CACNA1S: variants seen among roughly 807,000 people sequenced by gnomAD.
CACNA1S encodes calcium voltage-gated channel subunit alpha1 S, also known as voltage-dependent L-type calcium channel subunit alpha-1S.
CACNA1S carries 126 observed loss-of-function variants against 207.4 expected under a neutral mutation model. That is an observed-to-expected ratio of 0.61 (90% confidence interval 0.53 to 0.70). The LOEUF (loss-of-function observed/expected upper bound fraction) is 0.70. Ranked by LOEUF, CACNA1S falls within the 30% of genes least tolerant of loss-of-function variation. The pLI is 0.00. For synonymous variants in CACNA1S, 960 were observed against 932.7 expected, an observed-to-expected ratio of 1.03 and a Z score of -0.53; for missense variants, 2,349 against 2,422.8, an observed-to-expected ratio of 0.97 and a Z score of 0.64.
intron 22 of CACNA1S, among the ~76,000 whole-genome samples, chr1:201,063,733 C>T (rs1017714270): frequency 6.6e-6 from 1 of 152,178 alleles, no homozygotes; most frequent in Non-Finnish European, 1.5e-5. Flanking sequence ...CCCCCGCTGC[C>T]CCTGCCACAC....
rs1293218153 is a variant in CACNA1S at position 201,070,376 on chromosome 1, G to A, written c.2256C>T (p.Ile752=). The A allele has an allele frequency of 6.2e-7, 1 of 1,614,070 alleles. No individual in the cohort carries two copies. Among genetic ancestry groups the A allele is most frequent in the South Asian group, 1.1e-5 (1 of 91,072 alleles). Residue 752 remains isoleucine, a synonymous_variant, in exon 17 of 44, where the codon ATC becomes ATT. Transcript: ENST00000362061. ...GGGGACGTGGTCGGGGGCTCAGCGG[G>A]ATCTCAGGCTCATCTTCCTCGTCAT... ...PGDDEEDEPE[I]PLSPRPRPLA...
At chr1:201,074,473 C>A (rs1221710674) in intron 14 of CACNA1S, 33 bp downstream of exon 14, 2 of 1,403,472 alleles carry the variant, frequency 1.4e-6, no homozygotes, top group South Asian at 2.3e-5. Flanking sequence ...CGACTGAGCA[C>A]TCCAGGTCCC....
chr1:201,094,823 C>T, intron 2 of CACNA1S, among the ~76,000 whole-genome samples: 1 of 152,102 alleles, frequency 6.6e-6, no homozygotes, highest in East Asian at 1.9e-4. Flanking sequence ...CTGCAGAAGG[C>T]CCGGCCGACA....
rs1477340666 is a variant in CACNA1S at position 201,057,436 on chromosome 1, G to A, written c.3609+972C>T. Among the ~76,000 whole-genome samples the A allele has an allele frequency of 2.6e-5, 4 of 152,190 alleles. No homozygotes were observed. The East Asian group carries it at 7.7e-4, about 29-fold the overall frequency. On this transcript the variant is annotated intron_variant, in intron 28 of 43. Transcript: ENST00000362061. ...AGCCTCTAACTCCCTTTATGTTTCT[G>A]TATAATACTATGTACTTGTCATACC... is the stretch of plus-strand genomic sequence containing the variant.
intron 10 of CACNA1S, among the ~76,000 whole-genome samples, chr1:201,081,709 T>TG (rs11381909): frequency 0.064 from 9,715 of 152,234 alleles, 407 homozygotes; most frequent in East Asian, 0.19. Context: ...TGGGGCCTGG[T>TG]GGGGGGTGTT....
chr1:201,082,630 T>C (rs1000134288), intron 10 of CACNA1S, among the ~76,000 whole-genome samples: 22 of 152,306 alleles, frequency 1.4e-4, no homozygotes, highest in Middle Eastern at 3.4e-3. Context: ...TCTATTGACT[T>C]GGAATTATTT....
intron 36 of CACNA1S, among the ~76,000 whole-genome samples, chr1:201,047,986 C>T (rs1558054724): frequency 6.6e-6 from 1 of 152,246 alleles, no homozygotes; most frequent in African/African-American, 2.4e-5. Context: ...CCTGCTCCTT[C>T]CTGACTTCTG....
At chr1:201,092,587 C>T (rs557720126) in intron 3 of CACNA1S, among the ~76,000 whole-genome samples, 8 of 152,202 alleles carry the variant, frequency 5.3e-5, no homozygotes, top group Non-Finnish European at 1.2e-4. Context: ...TCTTAATTTA[C>T]TCAAATTTCC....
At chr1:201,040,785 C>A in intron 41 of CACNA1S, 72 bp from the exon 42 acceptor site, 2 of 1,218,626 alleles carry the variant, frequency 1.6e-6, no homozygotes, top group Non-Finnish European at 2.4e-6. Flanking sequence ...AACAGAGGCT[C>A]GCTTGGCTGG....
chr1:201,094,168 C>G (rs986068437), intron 2 of CACNA1S, 147 bp from the exon 3 acceptor site: 35 of 827,402 alleles, frequency 4.2e-5, no homozygotes, highest in Non-Finnish European at 6.6e-5. Context: ...TGCCTACCCC[C>G]CCACTCCACA....
intron 28 of CACNA1S, among the ~76,000 whole-genome samples, chr1:201,056,012 C>A (rs79599589): frequency 1.1e-4 from 17 of 151,540 alleles, no homozygotes; most frequent in Non-Finnish European, 1.9e-4. Flanking sequence ...TATTTCCCAG[C>A]AAAAACTGAG....
intron 13 of CACNA1S, among the ~76,000 whole-genome samples, chr1:201,074,988 G>T (rs1261566064): frequency 6.6e-6 from 1 of 152,164 alleles, no homozygotes; most frequent in Admixed American, 6.5e-5. Context: ...ATTCCAAGGT[G>T]CAGGCACCAG....
rs1572009497 is a variant in CACNA1S at position 201,039,589 on chromosome 1, C to A, written c.*242G>T. The stretch of plus-strand genomic sequence containing the variant: ...CTAGGCCAGACAGGCACTGACCAGG[C>A]CTTTTTGAATGACATTAGAAGCTCC... On this transcript the variant is annotated 3_prime_UTR_variant, in exon 44 of 44. Coordinates refer to ENST00000362061, the MANE Select transcript of CACNA1S (RefSeq NM_000069.3). 1.5e-5 allele frequency: 9 copies of A among 596,318 alleles called. No individual in the cohort carries two copies. In the South Asian group the frequency reaches 1.6e-4, roughly 10 times the overall value. 36.9% of individuals were successfully genotyped at this position (596,318 alleles called of 1,614,324 possible). A position where few individuals can be genotyped will look rare whatever the true frequency, so the allele number is the denominator to read the frequency against.
chr1:201,052,489 C>T (rs1254565705), intron 32 of CACNA1S, 68 bp downstream of exon 32: 3 of 1,249,796 alleles, frequency 2.4e-6, no homozygotes, highest in African/African-American at 1.5e-5. Context: ...GGCTCCAGTG[C>T]ACATTAGAAC....
chr1:201,104,844 C>A (rs1662815988), intron 2 of CACNA1S, among the ~76,000 whole-genome samples: 1 of 152,214 alleles, frequency 6.6e-6, no homozygotes, highest in Non-Finnish European at 1.5e-5. Flanking sequence ...GGTAACCCTG[C>A]CCAATAAAGG....
At chr1:201,106,673 A>T (rs559528845) in intron 2 of CACNA1S, among the ~76,000 whole-genome samples, 1 of 152,008 alleles carries the variant, frequency 6.6e-6, no homozygotes, top group Non-Finnish European at 1.5e-5. Context: ...GCAGATTGCC[A>T]CAAGCGCCTC....
chr1:201,057,396 T>C (rs571217282), intron 28 of CACNA1S, among the ~76,000 whole-genome samples: 13 of 152,240 alleles, frequency 8.5e-5, no homozygotes, highest in Non-Finnish European at 1.8e-4. Context: ...CACCCTCCCA[T>C]TCTCTTCCAC....
At chr1:201,107,056 C>T (rs1662921651) in intron 2 of CACNA1S, among the ~76,000 whole-genome samples, 1 of 152,238 alleles carries the variant, frequency 6.6e-6, no homozygotes, top group Admixed American at 6.5e-5. Flanking sequence ...AGAGCCCCTC[C>T]TTAGAGGCAG....
At chr1:201,059,653 G>A (rs1022605122) in intron 26 of CACNA1S, among the ~76,000 whole-genome samples, 5 of 152,214 alleles carry the variant, frequency 3.3e-5, no homozygotes, top group Non-Finnish European at 7.3e-5. Flanking sequence ...TCCAGGCAGG[G>A]CTCTGTAACA....
Sources: allele counts gnomAD v4.1 joint callset (sites outside exome capture counted in the v4.1 genomes callset), GRCh38; gene constraint gnomAD v4.1.1; transcripts MANE v1.5; gene names NCBI Gene and HGNC (gene_info 2026-07-23, HGNC 2026-07-21).